The following AMOTL2 variants were observed in gnomAD, a reference collection of about 807,000 sequenced individuals.
AMOTL2 encodes angiomotin-like protein 2.
Under a neutral mutation model 78.4 loss-of-function variants are expected in AMOTL2, and 33 were observed. The observed-to-expected ratio is 0.42, with a 90% CI of 0.32 to 0.56. The LOEUF is 0.56. Among genes scored for constraint, AMOTL2 ranks in the 20% least tolerant of loss-of-function variants. The pLI, the probability that AMOTL2 is intolerant of heterozygous loss-of-function variation, is 0.12. For missense variants in AMOTL2, 983 were observed against 1,030.1 expected (o/e 0.95, Z 0.63); for synonymous variants, 422 against 428.8 (o/e 0.98, Z 0.20).
At chr3:134,364,194 G>A (rs1426090948) in intron 5 of AMOTL2, among the ~76,000 whole-genome samples, 1 of 151,888 alleles carries the variant, frequency 6.6e-6, no homozygotes, top group African/African-American at 2.4e-5. Context: ...CAGGCAGCGC[G>A]CACGGGAGGG....
At chr3:134,360,457 G>C (rs1309196073) in intron 6 of AMOTL2, 44 bp from the exon 7 acceptor site, 2 of 1,551,506 alleles carry the variant, frequency 1.3e-6, no homozygotes, top group Admixed American at 1.7e-5. Flanking sequence ...GTGCAGGTTG[G>C]GGTGTGGCAG....
rs761341246 is a variant in AMOTL2, at chr3:134,370,792, A to G, written c.642T>C (p.Pro214=). 1.9e-6 allele frequency: 3 copies of G among 1,544,658 alleles called. No individual in the cohort carries two copies. Among genetic ancestry groups the G allele is most frequent in the Non-Finnish European group, 2.6e-6 (3 of 1,146,284 alleles). Residue 214 remains proline, a synonymous_variant, in exon 2 of 10, where the codon CCT becomes CCC. Coordinates refer to ENST00000249883, the MANE Select transcript of AMOTL2 (RefSeq NM_016201.4). Reference sequence around the variant, plus strand: ...TGGTCTCATGAGCTAGTACAACATGAGGGTACTGAGGTGGGGGTCCTCGGG... The same window carrying G: ...TGGTCTCATGAGCTAGTACAACATGGGGGTACTGAGGTGGGGGTCCTCGGG... ...PESRGPPPQY[P]HVVLAHETTT... is the part of the protein sequence containing the mutation.
At position 134,367,472 on chromosome 3, in the gene AMOTL2, C is replaced by T. The variant is rs1417538716; in HGVS notation, c.1041+25G>A. ...CCTCGGGGTCTCTTTCTGGTCTGCC[C>T]TTCTGAAGCCCCAGCAGGGCCTACC... is the stretch of plus-strand genomic sequence containing the variant. On this transcript the variant is annotated intron_variant, in intron 3 of 9. Coordinates refer to ENST00000249883, the MANE Select transcript of AMOTL2 (RefSeq NM_016201.4). 6 of 1,607,778 alleles carry T rather than the reference C, an allele frequency of 3.7e-6. No individual in the cohort carries two copies. In the African/African-American group the frequency reaches 5.4e-5, roughly 14 times the overall value.
Position 134,361,595 on chromosome 3 carries a change from C to T in AMOTL2, c.1492G>A (p.Ala498Thr), listed in dbSNP as rs766297316. 1.2e-6 allele frequency: 2 copies of T among 1,613,096 alleles called. No individual in the cohort carries two copies. The highest frequency in any genetic ancestry group is 3.3e-5 in the Admixed American group (2 of 60,028). ...AGCTGCTCCCGCTTCTCACAGGCTG[C>T]CTGCAGCTGCCCGAGCGCCTGCTGC... ...RLQQALGQLQ[A>T]ACEKREQLEL... Residue 498 changes from alanine (A) to threonine (T), a missense_variant, in exon 6 of 10, where the codon GCA (alanine) becomes ACA (threonine). Physicochemically the swap from Ala to Thr is moderately conservative, Grantham distance 58. Coordinates refer to ENST00000249883, the MANE Select transcript of AMOTL2 (RefSeq NM_016201.4).
Position 134,361,489 on chromosome 3 carries a change from G to T in AMOTL2, c.1575+23C>A, listed in dbSNP as rs766350478. 3.0e-5 allele frequency: 47 copies of T among 1,581,926 alleles called. No individual in the cohort carries two copies. The East Asian group carries it at 1.1e-3, about 36-fold the overall frequency. ...GCCAACATCCTCAGATGCTGCCCTAGCCTGGAGACTTTCTCAGCTCACCTG... is the reference window on the plus strand; with the variant it reads ...GCCAACATCCTCAGATGCTGCCCTATCCTGGAGACTTTCTCAGCTCACCTG... On this transcript the variant is annotated intron_variant, in intron 6 of 9. Transcript: ENST00000249883.
chr3:134,359,725 T>G (rs2017263948), intron 7 of AMOTL2, among the ~76,000 whole-genome samples: 1 of 152,068 alleles, frequency 6.6e-6, no homozygotes, highest in Non-Finnish European at 1.5e-5. Context: ...AAACCACCAG[T>G]GCATAAGGCC....
intron 2 of AMOTL2, 85 bp from the exon 3 acceptor site, chr3:134,367,888 G>T: frequency 8.8e-7 from 1 of 1,132,662 alleles, no homozygotes; most frequent in Non-Finnish European, 1.3e-6. Flanking sequence ...CCCACTCCTA[G>T]GCATACTGGG....
chr3:134,374,319 G>A (rs2018004704), intron 1 of AMOTL2, 23 bp downstream of exon 1: 4 of 985,280 alleles, frequency 4.1e-6, no homozygotes, highest in Non-Finnish European at 4.8e-6. Context: ...GCGCTCTCCC[G>A]AGCGCCGAGC....
chr3:134,359,972 T>C (rs2017279132), intron 7 of AMOTL2, 134 bp downstream of exon 7: 1 of 982,352 alleles, frequency 1.0e-6, no homozygotes, highest in South Asian at 1.7e-5. Flanking sequence ...TCATGCAGGT[T>C]CAGCTCAGAA....
At chr3:134,364,341 C>T (rs1056638718) in intron 5 of AMOTL2, among the ~76,000 whole-genome samples, 1 of 151,878 alleles carries the variant, frequency 6.6e-6, no homozygotes, top group Non-Finnish European at 1.5e-5. Context: ...CCCCGGGGAG[C>T]GGAAACGCCT....
At chr3:134,374,236 G>T in intron 1 of AMOTL2, 106 bp downstream of exon 1, 1 of 985,402 alleles carries the variant, frequency 1.0e-6, no homozygotes, top group African/African-American at 1.7e-5. Context: ...GATCCTCGAG[G>T]CTCCGACTCC....
At chr3:134,369,813 T>C (rs2017774151) in intron 2 of AMOTL2, among the ~76,000 whole-genome samples, 1 of 152,220 alleles carries the variant, frequency 6.6e-6, no homozygotes. Context: ...GCAGCAGTGA[T>C]GGCTGTGTCT....
At chr3:134,359,234 C>G in intron 8 of AMOTL2, 49 bp downstream of exon 8, 1 of 1,593,972 alleles carries the variant, frequency 6.3e-7, no homozygotes, top group Non-Finnish European at 8.6e-7. Flanking sequence ...TGTGTTCAGG[C>G]CCAGGAGAAA....
rs760047562 is a variant in AMOTL2, at chr3:134,370,748, G to A, written c.686C>T (p.Pro229Leu). 13 of 1,515,184 alleles carry A rather than the reference G, an allele frequency of 8.6e-6. No individual in the cohort carries two copies. Among genetic ancestry groups the A allele is most frequent in the Non-Finnish European group, 9.7e-6 (11 of 1,131,796 alleles). 93.9% of individuals were successfully genotyped at this position (1,515,184 alleles called of 1,614,324 possible). ...AHETTTAVTD[P>L]RYRARGSPHF... ...CGGGCTGCCGCGGGCACGGTACCGTGGGTCAGTGACAGCAGTGGTGGTCTC... is the reference window on the plus strand; with the variant it reads ...CGGGCTGCCGCGGGCACGGTACCGTAGGTCAGTGACAGCAGTGGTGGTCTC... The change falls in exon 2 of 10, where the codon CCA becomes CTA. Residue 229 changes from proline to leucine, a missense_variant. Physicochemically the swap from Pro to Leu is moderately conservative, Grantham distance 98. Coordinates refer to ENST00000249883, the MANE Select transcript of AMOTL2 (RefSeq NM_016201.4).
At chr3:134,373,369 A>G (rs1031100431) in intron 1 of AMOTL2, 45 of 725,534 alleles carry the variant, frequency 6.2e-5, no homozygotes, top group Non-Finnish European at 7.4e-5. Context: ...CAGGCGCTCC[A>G]TAGTGTGCCC....
rs367982303 is a variant in AMOTL2 at position 134,355,395 on chromosome 3, G to A, written c.*2310C>T. Among the ~76,000 whole-genome samples the A allele has an allele frequency of 5.3e-5, 8 of 152,330 alleles. No individual in the cohort carries two copies. The highest frequency in any genetic ancestry group is 1.7e-4 in the African/African-American group (7 of 41,576). On this transcript the variant is annotated 3_prime_UTR_variant, in exon 10 of 10. Coordinates refer to ENST00000249883, the MANE Select transcript of AMOTL2 (RefSeq NM_016201.4). ...GAATTGGAGCAATATGCTTTCCTGAGCATCAGGAAAGAGTGGTGATGTCAC... is the reference window on the plus strand; with the variant it reads ...GAATTGGAGCAATATGCTTTCCTGAACATCAGGAAAGAGTGGTGATGTCAC...
chr3:134,368,854 G>A (rs2017725768), intron 2 of AMOTL2, among the ~76,000 whole-genome samples: 1 of 152,184 alleles, frequency 6.6e-6, no homozygotes, highest in Non-Finnish European at 1.5e-5. Context: ...GCTCCATGTT[G>A]AGGGAAGGAG....
chr3:134,367,828 C>A, intron 2 of AMOTL2, 25 bp from the exon 3 acceptor site: 2 of 1,611,770 alleles, frequency 1.2e-6, no homozygotes. Context: ...AGACGGTGCT[C>A]AGAGACAGCA....
rs1244159377 is a variant in AMOTL2, at chr3:134,359,312, G to C, written c.2075C>G (p.Thr692Arg). Residue 692 changes from threonine (T) to arginine (R), a missense_variant, in exon 8 of 10, where the codon ACA becomes AGA. Physicochemically the swap from Thr to Arg is moderately conservative, Grantham distance 71. Transcript: ENST00000249883. Reference sequence around the variant, plus strand: ...AGTCAGCCGAGCAGGGGCGTCTGCTGTTTGTCGCTCACTAGAAGAGAGCCC... The same window carrying C: ...AGTCAGCCGAGCAGGGGCGTCTGCTCTTTGTCGCTCACTAGAAGAGAGCCC... Reference protein sequence around the residue: ...WQGLSSSERQTADAPARLTTA... With the variant: ...WQGLSSSERQRADAPARLTTA... The C allele has an allele frequency of 1.2e-6, 2 of 1,614,226 alleles. No individual in the cohort carries two copies. Among genetic ancestry groups the C allele is most frequent in the East Asian group, 4.5e-5 (2 of 44,874 alleles).
Sources: allele counts gnomAD v4.1 joint callset (sites outside exome capture counted in the v4.1 genomes callset), GRCh38; gene constraint gnomAD v4.1.1; transcripts MANE v1.5; gene names NCBI Gene and HGNC (gene_info 2026-07-23, HGNC 2026-07-21).